Variants in ATXN8OS observed in about 807,000 individuals in gnomAD.
ATXN8OS encodes ATXN8 opposite strand (non-protein coding).
intron 1 of ATXN8OS, among the ~76,000 whole-genome samples, chr13:70,112,651 T>C (rs937838981): frequency 9.9e-5 from 15 of 152,060 alleles, no homozygotes; most frequent in Non-Finnish European, 2.2e-4. Context: ...CTTGGTTTAT[T>C]TGACCTTTTG....
chr13:70,155,381 G>A (rs1888924228), intron 4 of ATXN8OS, among the ~76,000 whole-genome samples: 1 of 151,932 alleles, frequency 6.6e-6, no homozygotes, highest in Admixed American at 6.6e-5. Context: ...TCTCAATTTG[G>A]TCCATAAGAA....
intron 4 of ATXN8OS, among the ~76,000 whole-genome samples, chr13:70,151,916 T>C (rs1424711168): frequency 2.6e-5 from 4 of 152,078 alleles, no homozygotes; most frequent in African/African-American, 9.7e-5. Flanking sequence ...AAATATAACA[T>C]TAATTGATCA....
At chr13:70,154,820 G>A (rs761442164) in intron 4 of ATXN8OS, among the ~76,000 whole-genome samples, 2 of 152,224 alleles carry the variant, frequency 1.3e-5, no homozygotes, top group Non-Finnish European at 2.9e-5. Flanking sequence ...AAGGTCATGA[G>A]ACACCTGAGT....
At chr13:70,151,675 G>C (rs890584701) in intron 4 of ATXN8OS, among the ~76,000 whole-genome samples, 3 of 151,976 alleles carry the variant, frequency 2.0e-5, no homozygotes, top group African/African-American at 7.2e-5. Context: ...TAAGAAATAG[G>C]GTAACATATA....
intron 4 of ATXN8OS, among the ~76,000 whole-genome samples, chr13:70,158,117 T>C (rs1888959204): frequency 1.3e-5 from 2 of 152,168 alleles, no homozygotes; most frequent in African/African-American, 4.8e-5. Flanking sequence ...TATTCCACAC[T>C]TCTTTAAGAT....
At chr13:70,120,415 A>C (rs1245571076) in intron 2 of ATXN8OS, among the ~76,000 whole-genome samples, 2 of 152,146 alleles carry the variant, frequency 1.3e-5, no homozygotes, top group Non-Finnish European at 2.9e-5. Flanking sequence ...TAATATAGAC[A>C]GAGTTAAATT....
chr13:70,123,696 A>C (rs1888391616), intron 2 of ATXN8OS, among the ~76,000 whole-genome samples: 1 of 152,164 alleles, frequency 6.6e-6, no homozygotes, highest in African/African-American at 2.4e-5. Flanking sequence ...TTCACCATTA[A>C]GTAATGAAAA....
intron 3 of ATXN8OS, among the ~76,000 whole-genome samples, chr13:70,134,136 G>C (rs1404220179): frequency 5.3e-5 from 8 of 152,120 alleles, no homozygotes; most frequent in Admixed American, 5.2e-4. Flanking sequence ...ACTAACAAGA[G>C]CTTACATATT....
At chr13:70,147,376 G>A (rs1268512998) in exon 4 of ATXN8OS, among the ~76,000 whole-genome samples, 2 of 152,166 alleles carry the variant, frequency 1.3e-5, no homozygotes, top group East Asian at 3.9e-4. Flanking sequence ...GATAAAGTGC[G>A]AAGGAGCTTA....
intron 4 of ATXN8OS, among the ~76,000 whole-genome samples, chr13:70,149,158 T>C (rs1385013332): frequency 6.6e-6 from 1 of 152,114 alleles, no homozygotes; most frequent in Non-Finnish European, 1.5e-5. Context: ...TTCTGTCTAA[T>C]GGTAACTGGA....
intron 4 of ATXN8OS, among the ~76,000 whole-genome samples, chr13:70,160,927 A>G (rs1889002342): frequency 6.6e-6 from 1 of 150,430 alleles, no homozygotes; most frequent in Admixed American, 6.7e-5. Flanking sequence ...TAGTGAAATA[A>G]TCTTAACTTT....
At chr13:70,113,603 C>T (rs1166813821) in intron 1 of ATXN8OS, among the ~76,000 whole-genome samples, 1 of 152,050 alleles carries the variant, frequency 6.6e-6, no homozygotes, top group African/African-American at 2.4e-5. Flanking sequence ...TTATAAAATA[C>T]AGATTTGGAA....
exon 5 of ATXN8OS, among the ~76,000 whole-genome samples, chr13:70,170,127 C>A (rs576068435): frequency 6.6e-6 from 1 of 152,190 alleles, no homozygotes; most frequent in Admixed American, 6.6e-5. Context: ...CTGGAACATT[C>A]CTGTATTCAG....
chr13:70,160,443 A>G (rs1422512255), intron 4 of ATXN8OS, among the ~76,000 whole-genome samples: 3 of 151,906 alleles, frequency 2.0e-5, no homozygotes, highest in African/African-American at 7.2e-5. Context: ...TGGTGACAGC[A>G]CTTTTCCTGG....
In ATXN8OS at chr13:70,131,130, G is replaced by C. The variant is rs567328688; in HGVS notation, n.499+1246G>C. 1.5e-5 allele frequency: 6 copies of C among 398,248 alleles called. No individual in the cohort carries two copies. The South Asian group carries it at 7.6e-4, about 51-fold the overall frequency. The allele number at this position is 398,248 out of a possible 1,614,324, so 24.7% of individuals were successfully genotyped here. Reference sequence around the variant, plus strand: ...CAATACATGTGTAAGAATATCCAAGGGCACACACATACCATAAGCAGGAAT... The same window carrying C: ...CAATACATGTGTAAGAATATCCAAGCGCACACACATACCATAAGCAGGAAT... On this transcript the variant is annotated intron_variant and non_coding_transcript_variant, in intron 3 of 4. Coordinates refer to ENST00000678624, the Ensembl canonical transcript of ATXN8OS.
exon 5 of ATXN8OS, among the ~76,000 whole-genome samples, chr13:70,171,122 T>C (rs1051998915): frequency 1.3e-5 from 2 of 152,040 alleles, no homozygotes; most frequent in Admixed American, 1.3e-4. Context: ...GTATGGTTGA[T>C]TTATGGACAG....
chr13:70,140,059 T>TA (rs1293333589), intron 3 of ATXN8OS, among the ~76,000 whole-genome samples: 1 of 152,128 alleles, frequency 6.6e-6, no homozygotes, highest in Non-Finnish European at 1.5e-5. Context: ...CAACTCTTCA[T>TA]AAAAAATTCT....
At chr13:70,119,309 A>AT (rs1354951109) in intron 2 of ATXN8OS, among the ~76,000 whole-genome samples, 2 of 151,950 alleles carry the variant, frequency 1.3e-5, no homozygotes, top group East Asian at 1.9e-4. Flanking sequence ...ACAGGAGTCC[A>AT]TTTTTTTAAC....
chr13:70,130,808 G>A (rs1462517143), intron 3 of ATXN8OS: 1 of 398,374 alleles, frequency 2.5e-6, no homozygotes, highest in Non-Finnish European at 4.4e-6. Context: ...GCAGAACTGG[G>A]ACCCCAATGA....
Sources: allele counts gnomAD v4.1 joint callset (sites outside exome capture counted in the v4.1 genomes callset), GRCh38; gene constraint gnomAD v4.1.1; transcripts MANE v1.5; gene names NCBI Gene and HGNC (gene_info 2026-07-23, HGNC 2026-07-21).